The following ZDHHC14 variants were observed in gnomAD, a reference collection of about 807,000 sequenced individuals.
ZDHHC14 encodes zDHHC palmitoyltransferase 14.
In ZDHHC14, 16 loss-of-function variants were observed where a neutral mutation model predicts 47.7. The observed-to-expected ratio is 0.34, with a 90% CI of 0.23 to 0.51. The LOEUF (loss-of-function observed/expected upper bound fraction) is 0.51. ZDHHC14 is among the 20% of genes least tolerant of loss of function. The pLI, the probability that ZDHHC14 is intolerant of heterozygous loss-of-function variation, is 0.97. For synonymous variants in ZDHHC14, 293 were observed against 278.9 expected (o/e 1.05, Z -0.50); for missense variants, 515 against 662.5 (o/e 0.78, Z 2.44).
chr6:157,603,499 A>G (rs1784418348), intron 3 of ZDHHC14, among the ~76,000 whole-genome samples: 1 of 152,122 alleles, frequency 6.6e-6, no homozygotes, highest in South Asian at 2.1e-4. Context: ...CGATGCTTGA[A>G]CAGGAGATTG....
At chr6:157,602,765 C>T (rs1181690474) in intron 3 of ZDHHC14, among the ~76,000 whole-genome samples, 1 of 152,162 alleles carries the variant, frequency 6.6e-6, no homozygotes, top group Non-Finnish European at 1.5e-5. Context: ...CATGAGGATG[C>T]TTCCTCTGAG....
In ZDHHC14 at chr6:157,438,503, T is replaced by G. The variant is rs566752689; in HGVS notation, c.245+56237T>G. Among the ~76,000 whole-genome samples, 15 of 152,362 alleles carry G rather than the reference T, an allele frequency of 9.8e-5. No individual in the cohort carries two copies. In the East Asian group the frequency reaches 2.7e-3, roughly 27 times the overall value. ...ATCTCTAGTTTTCATCAGCTGAAGT[T>G]CACAAATTACCTTCACAGTTATCTC... On this transcript the variant is annotated intron_variant, in intron 1 of 8. Transcript: ENST00000359775.
chr6:157,672,535 G>T (rs540822467), intron 8 of ZDHHC14, among the ~76,000 whole-genome samples, 189 bp from the exon 9 acceptor site: 1 of 152,080 alleles, frequency 6.6e-6, no homozygotes, highest in East Asian at 1.9e-4. Context: ...AGCACCAGGC[G>T]CTGGGTGTCT....
chr6:157,618,462 C>A (rs973248658), intron 3 of ZDHHC14, among the ~76,000 whole-genome samples: 6 of 152,118 alleles, frequency 3.9e-5, no homozygotes, highest in African/African-American at 1.4e-4. Context: ...GCTGGAATTA[C>A]AGGTGCCTGC....
chr6:157,450,997 CTT>C (rs1491151301), intron 1 of ZDHHC14, among the ~76,000 whole-genome samples: 130 of 126,516 alleles, frequency 1.0e-3, no homozygotes, highest in African/African-American at 3.3e-3. Flanking sequence ...AAAGTCTGGT[CTT>C]GTGTGTGTGT....
intron 1 of ZDHHC14, among the ~76,000 whole-genome samples, chr6:157,514,656 G>T (rs1467317431): frequency 6.6e-6 from 1 of 152,236 alleles, no homozygotes; most frequent in Non-Finnish European, 1.5e-5. Context: ...GCAAGAGATG[G>T]ACCCCTTATT....
At chr6:157,642,903 G>A (rs1440627206) in intron 5 of ZDHHC14, among the ~76,000 whole-genome samples, 2 of 152,216 alleles carry the variant, frequency 1.3e-5, no homozygotes, top group Admixed American at 6.5e-5. Context: ...ACAGGTTCGC[G>A]AATCCTGGAG....
At chr6:157,406,191 G>C (rs1777757977) in intron 1 of ZDHHC14, among the ~76,000 whole-genome samples, 1 of 152,212 alleles carries the variant, frequency 6.6e-6, no homozygotes, top group Non-Finnish European at 1.5e-5. Flanking sequence ...AGCTGCAGTT[G>C]GGGAGGGAGT....
intron 1 of ZDHHC14, among the ~76,000 whole-genome samples, chr6:157,426,672 G>A (rs1398778157): frequency 7.2e-5 from 11 of 152,176 alleles, no homozygotes; most frequent in Non-Finnish European, 1.5e-5. Context: ...CCGATCAGAA[G>A]GGGATGCTGG....
intron 2 of ZDHHC14, among the ~76,000 whole-genome samples, chr6:157,559,092 GATAA>G (rs1782597393): frequency 6.6e-6 from 1 of 152,204 alleles, no homozygotes; most frequent in African/African-American, 2.4e-5. Flanking sequence ...CTTCCATGAT[GATAA>G]ATGGTTGTTG....
intron 3 of ZDHHC14, among the ~76,000 whole-genome samples, chr6:157,613,138 A>G (rs892547616): frequency 4.6e-5 from 7 of 152,186 alleles, no homozygotes; most frequent in Admixed American, 6.5e-5. Context: ...CGCAACCTAC[A>G]CGTGTATTTA....
intron 2 of ZDHHC14, among the ~76,000 whole-genome samples, chr6:157,590,379 G>C (rs140263749): frequency 6.6e-6 from 1 of 152,134 alleles, no homozygotes; most frequent in Non-Finnish European, 1.5e-5. Context: ...CAGGTCCAGG[G>C]CCCCCTGCTG....
At chr6:157,460,599 G>C (rs965215587) in intron 1 of ZDHHC14, among the ~76,000 whole-genome samples, 3 of 152,086 alleles carry the variant, frequency 2.0e-5, no homozygotes, top group African/African-American at 7.2e-5. Flanking sequence ...GAATCATTTA[G>C]ATGACCTCAA....
intron 1 of ZDHHC14, among the ~76,000 whole-genome samples, chr6:157,525,222 A>G (rs1337356968): frequency 2.6e-5 from 4 of 152,124 alleles, no homozygotes; most frequent in Non-Finnish European, 5.9e-5. Flanking sequence ...GTGCAGTGGC[A>G]TGATCATAAC....
intron 7 of ZDHHC14, among the ~76,000 whole-genome samples, chr6:157,648,533 AC>A (rs1777669677): frequency 6.6e-6 from 1 of 152,190 alleles, no homozygotes; most frequent in African/African-American, 2.4e-5. Flanking sequence ...CAAAACTAGA[AC>A]TTGATCATTT....
chr6:157,667,705 T>G (rs6927266), intron 8 of ZDHHC14, among the ~76,000 whole-genome samples: 24,968 of 152,042 alleles, frequency 0.16, 2,594 homozygotes, highest in African/African-American at 0.28. Flanking sequence ...CCCCATGACT[T>G]TCTCAAATGA....
intron 1 of ZDHHC14, among the ~76,000 whole-genome samples, chr6:157,384,273 C>T (rs1395070902): frequency 6.6e-6 from 1 of 152,138 alleles, no homozygotes; most frequent in Non-Finnish European, 1.5e-5. Flanking sequence ...GCTTAGGGAT[C>T]CCCCCAGTTA....
intron 1 of ZDHHC14, among the ~76,000 whole-genome samples, chr6:157,452,503 G>A (rs1778824896): frequency 6.6e-6 from 1 of 152,034 alleles, no homozygotes; most frequent in Admixed American, 6.6e-5. Context: ...TTTTTTGGAA[G>A]ATTCATAGCC....
At chr6:157,497,283 G>A (rs1008138245) in intron 1 of ZDHHC14, among the ~76,000 whole-genome samples, 32 of 152,202 alleles carry the variant, frequency 2.1e-4, no homozygotes, top group African/African-American at 7.0e-4. Flanking sequence ...GACTGGAAAA[G>A]GTGGAGCTTT....
Sources: allele counts gnomAD v4.1 joint callset (sites outside exome capture counted in the v4.1 genomes callset), GRCh38; gene constraint gnomAD v4.1.1; transcripts MANE v1.5; gene names NCBI Gene and HGNC (gene_info 2026-07-23, HGNC 2026-07-21).